The following ATP2C2 variants were observed in gnomAD, a reference collection of about 807,000 sequenced individuals.
The protein encoded by ATP2C2 is calcium-transporting ATPase type 2C member 2.
ATP2C2 carries 171 observed loss-of-function variants against 110.8 expected under a neutral mutation model. The ratio of observed to expected loss-of-function variants is 1.54; its 90% CI spans 1.36 to 1.75. The LOEUF is 1.75. Among genes scored for constraint, ATP2C2 ranks in the 40% most tolerant of loss-of-function variants. ATP2C2 has a pLI of 0.00. For missense variants in ATP2C2, 1,963 were observed against 1,235.0 expected (o/e 1.59, Z -8.84); for synonymous variants, 804 against 508.4 (o/e 1.58, Z -7.82).
At chr16:84,415,684 C>A in intron 7 of ATP2C2, 93 bp downstream of exon 7, 1 of 990,298 alleles carries the variant, frequency 1.0e-6, no homozygotes, top group South Asian at 1.6e-5. Context: ...TAGTCTCTCT[C>A]ATACACACAT....
chr16:84,392,012 G>C (rs968757156), intron 1 of ATP2C2, among the ~76,000 whole-genome samples: 1 of 151,084 alleles, frequency 6.6e-6, no homozygotes, highest in Non-Finnish European at 1.5e-5. Context: ...CGTCTCCTTA[G>C]GTCAAATCAT....
At chr16:84,399,946 T>C (rs936304340) in intron 2 of ATP2C2, among the ~76,000 whole-genome samples, 2 of 152,232 alleles carry the variant, frequency 1.3e-5, no homozygotes, top group South Asian at 4.1e-4. Flanking sequence ...ACCATCCTAC[T>C]ATCTCCATGA....
At chr16:84,373,309 G>C (rs1910066842) in intron 1 of ATP2C2, among the ~76,000 whole-genome samples, 1 of 152,102 alleles carries the variant, frequency 6.6e-6, no homozygotes, top group African/African-American at 2.4e-5. Flanking sequence ...AGACCAGCCT[G>C]GCCAACATGG....
At chr16:84,395,014 ACTGT>A (rs1186607428) in intron 1 of ATP2C2, among the ~76,000 whole-genome samples, 1 of 152,092 alleles carries the variant, frequency 6.6e-6, no homozygotes, top group Non-Finnish European at 1.5e-5. Context: ...TTGATGCTCC[ACTGT>A]CTGGATGGAC....
Position 84,408,434 on chromosome 16 carries a change from G to A in ATP2C2, c.357G>A (p.Leu119=). Residue 119 remains leucine, a synonymous_variant, in exon 4 of 27, where the codon CTG becomes CTA. Transcript: ENST00000262429. ...QFKNPLILLL[L]GSALVSVLTK... ...AGAACCCCCTGATCCTGCTGCTGCT[G>A]GGCTCTGCCCTGGTGAGTGTCCTCA... 1 of 1,613,828 alleles carries A rather than the reference G, an allele frequency of 6.2e-7. No homozygotes were observed. The highest frequency in any genetic ancestry group is 8.5e-7 in the Non-Finnish European group (1 of 1,179,994).
chr16:84,446,372 A>G lies in ATP2C2; in HGVS notation c.1445A>G (p.Glu482Gly), dbSNP rs1386790839. The G allele has an allele frequency of 9.3e-6, 15 of 1,605,230 alleles. No homozygotes were observed. Among genetic ancestry groups the G allele is most frequent in the Non-Finnish European group, 1.3e-5 (15 of 1,176,964 alleles). Residue 482 changes from glutamate to glycine, a missense_variant, in exon 16 of 27, where the codon GAG (glutamate) becomes GGG (glycine). Glu to Gly is a moderately conservative substitution (Grantham distance 98). Coordinates refer to ENST00000262429, the MANE Select transcript of ATP2C2 (RefSeq NM_014861.4). ...AAAAATTCATATATAAGAAAAAAAG[A>G]GATTCCATTCAGTTCAGAGCAGAAG... ...DIKNSYIRKK[E>G]IPFSSEQKWM...
Position 84,459,195 on chromosome 16 carries a change from A to G in ATP2C2, c.2216+7A>G, listed in dbSNP as rs764795641. 6.8e-6 allele frequency: 11 copies of G among 1,614,136 alleles called. No individual in the cohort carries two copies. In the Admixed American group the frequency reaches 1.0e-4, roughly 15 times the overall value. ...TCCGATTCCAGCTGAGCACGTAAGT[A>G]GAGGCCAGCATTCCGAGTGTCATTA... is the stretch of plus-strand genomic sequence containing the variant. On this transcript the variant is annotated splice_region_variant and intron_variant, in intron 22 of 26. Coordinates refer to ENST00000262429, the MANE Select transcript of ATP2C2 (RefSeq NM_014861.4).
Position 84,446,441 on chromosome 16 carries a change from T to A in ATP2C2, c.1503+11T>A, listed in dbSNP as rs372865791. On this transcript the variant is annotated intron_variant, in intron 16 of 26. Coordinates refer to ENST00000262429, the MANE Select transcript of ATP2C2 (RefSeq NM_014861.4). ...AGTCTGAAGACTGAGGTGAGACCTT[T>A]CAATCTTCAACCTCTTCTCTCTTTC... 7.7e-6 allele frequency: 12 copies of A among 1,561,754 alleles called. No homozygotes were observed. In the African/African-American group the frequency reaches 1.5e-4, roughly 20 times the overall value.
intron 11 of ATP2C2, among the ~76,000 whole-genome samples, chr16:84,438,294 G>T (rs769572157): frequency 7.2e-5 from 11 of 152,202 alleles, no homozygotes; most frequent in Non-Finnish European, 1.6e-4. Context: ...CCTTTCTACA[G>T]CCCACCCCTG....
At chr16:84,450,581 A>G (rs1022953372) in intron 17 of ATP2C2, among the ~76,000 whole-genome samples, 1 of 152,018 alleles carries the variant, frequency 6.6e-6, no homozygotes, top group African/African-American at 2.4e-5. Flanking sequence ...AGGGGAGGGG[A>G]CCATTGGAAA....
At chr16:84,409,856 G>C (rs988357990) in intron 4 of ATP2C2, among the ~76,000 whole-genome samples, 1 of 152,096 alleles carries the variant, frequency 6.6e-6, no homozygotes, top group South Asian at 2.1e-4. Context: ...GTTCCAGCCG[G>C]TATTTTAAAA....
At position 84,463,743 on chromosome 16, in the gene ATP2C2, T is replaced by A; in HGVS notation, c.*11T>A. 2 of 1,594,812 alleles carry A rather than the reference T, an allele frequency of 1.3e-6. No individual in the cohort carries two copies. Among genetic ancestry groups the A allele is most frequent in the Non-Finnish European group, 1.7e-6 (2 of 1,164,076 alleles). ...CCTGAAGATGTGTAGTGGACCGCAC[T>A]CCGCGGCACCTTCCCTAATCATCTC... On this transcript the variant is annotated 3_prime_UTR_variant, in exon 27 of 27. Coordinates refer to ENST00000262429, the MANE Select transcript of ATP2C2 (RefSeq NM_014861.4).
intron 1 of ATP2C2, among the ~76,000 whole-genome samples, chr16:84,382,531 C>T (rs1597734183): frequency 1.3e-5 from 2 of 152,198 alleles, no homozygotes; most frequent in African/African-American, 4.8e-5. Context: ...CCAGGTTCCT[C>T]CTGGCATGGG....
intron 6 of ATP2C2, 121 bp downstream of exon 6, chr16:84,410,886 A>C: frequency 1.1e-4 from 110 of 990,290 alleles, no homozygotes; most frequent in Non-Finnish European, 1.5e-4. Context: ...ACCACATCTC[A>C]CTGGGAGTTC....
At chr16:84,409,964 C>G (rs138059011) in intron 4 of ATP2C2, among the ~76,000 whole-genome samples, 104 of 152,252 alleles carry the variant, frequency 6.8e-4, no homozygotes, top group African/African-American at 2.4e-3. Flanking sequence ...AATCCCAGCA[C>G]TTTGGGAGGC....
intron 16 of ATP2C2, among the ~76,000 whole-genome samples, chr16:84,447,433 C>T (rs1349628418): frequency 6.6e-6 from 1 of 151,950 alleles, no homozygotes; most frequent in Non-Finnish European, 1.5e-5. Flanking sequence ...CCCTCCCTCC[C>T]CACCACCCAC....
chr16:84,386,404 T>A (rs1904324146), intron 1 of ATP2C2, among the ~76,000 whole-genome samples: 1 of 152,242 alleles, frequency 6.6e-6, no homozygotes, highest in South Asian at 2.1e-4. Flanking sequence ...GTAAGAACAC[T>A]GGCTACCATT....
At chr16:84,409,420 G>A (rs540271485) in intron 4 of ATP2C2, among the ~76,000 whole-genome samples, 81 of 152,198 alleles carry the variant, frequency 5.3e-4, no homozygotes, top group Non-Finnish European at 9.3e-4. Context: ...TGCACGTTGT[G>A]CACATGTACC....
intron 2 of ATP2C2, among the ~76,000 whole-genome samples, chr16:84,403,935 C>G (rs958926273): frequency 3.9e-5 from 6 of 152,192 alleles, no homozygotes; most frequent in African/African-American, 1.4e-4. Flanking sequence ...AGGTGATCTG[C>G]CTGCCTTGGC....
Sources: allele counts gnomAD v4.1 joint callset (sites outside exome capture counted in the v4.1 genomes callset), GRCh38; gene constraint gnomAD v4.1.1; transcripts MANE v1.5; gene names NCBI Gene and HGNC (gene_info 2026-07-23, HGNC 2026-07-21).